USH2A: variants seen among roughly 807,000 people sequenced by gnomAD.
USH2A encodes the protein Usher syndrome 2A (autosomal recessive, mild).
A neutral mutation model predicts 538.9 loss-of-function variants in USH2A; 443 were observed. The ratio of observed to expected loss-of-function variants is 0.82; its 90% confidence interval spans 0.76 to 0.89. USH2A has a LOEUF of 0.89. Ranked by LOEUF, USH2A falls within the 40% of genes least tolerant of loss-of-function variation. The pLI is 0.00. For synonymous variants in USH2A, 2,413 were observed against 2,273.5 expected, an observed-to-expected ratio of 1.06 and a Z score of -1.75; for missense variants, 6,633 against 6,324.8, an observed-to-expected ratio of 1.05 and a Z score of -1.65.
At chr1:215,691,054 A>C (rs1033094597) in intron 61 of USH2A, among the ~76,000 whole-genome samples, 2 of 151,904 alleles carry the variant, frequency 1.3e-5, no homozygotes, top group Non-Finnish European at 2.9e-5. Context: ...AGGCTAATTT[A>C]TGTATTTTTA....
At chr1:215,963,367 G>A (rs544213116) in intron 37 of USH2A, among the ~76,000 whole-genome samples, 12 of 152,118 alleles carry the variant, frequency 7.9e-5, no homozygotes, top group Middle Eastern at 3.4e-3. Flanking sequence ...CCAATGACAC[G>A]AATTTTCCTG....
chr1:216,102,724 C>G (rs1438355200), intron 21 of USH2A, among the ~76,000 whole-genome samples: 1 of 152,098 alleles, frequency 6.6e-6, no homozygotes, highest in Non-Finnish European at 1.5e-5. Flanking sequence ...GGTGTGAACC[C>G]GAAAGGCGGA....
At chr1:215,961,458 C>A (rs944847712) in intron 37 of USH2A, among the ~76,000 whole-genome samples, 11 of 151,434 alleles carry the variant, frequency 7.3e-5, no homozygotes, top group African/African-American at 1.9e-4. Flanking sequence ...ATTAATTCTA[C>A]CTAAGTCACC....
chr1:215,694,391 G>T (rs1032842078), intron 61 of USH2A, among the ~76,000 whole-genome samples: 3 of 152,134 alleles, frequency 2.0e-5, no homozygotes, highest in African/African-American at 7.2e-5. Context: ...GGCTAACACT[G>T]TGAAACCCCG....
chr1:216,162,229 A>G (rs1158657998), intron 21 of USH2A, among the ~76,000 whole-genome samples: 8 of 151,934 alleles, frequency 5.3e-5, no homozygotes, highest in Admixed American at 5.3e-4. Context: ...TTGGACAATT[A>G]CAATTGACCG....
At chr1:216,342,080 T>C (rs564254628) in intron 4 of USH2A, among the ~76,000 whole-genome samples, 1 of 151,850 alleles carries the variant, frequency 6.6e-6, no homozygotes, top group South Asian at 2.1e-4. Context: ...TGGGAGAAAA[T>C]TTTCGCAACC....
intron 61 of USH2A, among the ~76,000 whole-genome samples, chr1:215,706,827 G>C (rs1466890014): frequency 6.6e-6 from 1 of 152,108 alleles, no homozygotes; most frequent in East Asian, 1.9e-4. Context: ...ATTGACTCAA[G>C]CTTATTAACT....
chr1:216,361,909 T>C (rs1217482406), intron 4 of USH2A, among the ~76,000 whole-genome samples: 19 of 152,196 alleles, frequency 1.2e-4, no homozygotes, highest in Admixed American at 5.9e-4. Context: ...ATTTGTATGA[T>C]AGTTTGAGAA....
At chr1:215,986,210 C>T (rs1019839376) in intron 35 of USH2A, among the ~76,000 whole-genome samples, 3 of 152,166 alleles carry the variant, frequency 2.0e-5, no homozygotes, top group Non-Finnish European at 4.4e-5. Flanking sequence ...AACCCTGCCT[C>T]CCACGTTCAA....
chr1:216,219,206 A>T (rs2035405090), intron 14 of USH2A, among the ~76,000 whole-genome samples: 2 of 152,076 alleles, frequency 1.3e-5, no homozygotes, highest in South Asian at 2.1e-4. Context: ...CAATGTTTTG[A>T]GCAATTAAAT....
intron 16 of USH2A, among the ~76,000 whole-genome samples, chr1:216,206,716 A>G (rs2035120455): frequency 1.3e-5 from 2 of 152,214 alleles, no homozygotes; most frequent in African/African-American, 4.8e-5. Context: ...CCTATAATTT[A>G]TTTAACAATG....
At chr1:216,246,249 C>T (rs927766662) in intron 13 of USH2A, among the ~76,000 whole-genome samples, 1 of 152,054 alleles carries the variant, frequency 6.6e-6, no homozygotes, top group African/African-American at 2.4e-5. Flanking sequence ...TCAAATTTTC[C>T]TTTCTCTGGA....
rs768134583 is a variant in USH2A, at chr1:215,674,900, C to T, written c.13011G>A (p.Thr4337=). ...STYSYALQAC[T]SGGCSTSKPT... is the part of the protein sequence containing the mutation. ...GTTTGCTGGTGGAGCATCCTCCACTCGTGCAGGCTTGGAGTGCATAGCTAT... is the reference window on the plus strand; with the variant it reads ...GTTTGCTGGTGGAGCATCCTCCACTTGTGCAGGCTTGGAGTGCATAGCTAT... The change falls in exon 63 of 72, where the codon ACG becomes ACA. Residue 4337 remains threonine (T), a synonymous_variant. Coordinates refer to ENST00000307340, the MANE Select transcript of USH2A (RefSeq NM_206933.4). The T allele has an allele frequency of 1.4e-5, 22 of 1,614,010 alleles. No individual in the cohort carries two copies. Among genetic ancestry groups the T allele is most frequent in the Middle Eastern group, 1.6e-4 (1 of 6,084 alleles).
At chr1:216,136,444 T>C (rs1465709423) in intron 21 of USH2A, among the ~76,000 whole-genome samples, 6 of 152,148 alleles carry the variant, frequency 3.9e-5, no homozygotes, top group East Asian at 3.8e-4. Flanking sequence ...TTATATTAAA[T>C]AGATTAAATG....
rs749079812 is a variant in USH2A, at chr1:215,640,719, GCTCGGTA to G, written c.14800_14806del (p.Tyr4934ProfsTer14). 6.2e-7 allele frequency: 1 copy of G among 1,613,580 alleles called. No individual in the cohort carries two copies. Among genetic ancestry groups the G allele is most frequent in the Non-Finnish European group, 8.5e-7 (1 of 1,179,924 alleles). ...CAAATTGCTGTCCACCGAAAATGGG[GCTCGGTA>G]CTGAGGCACTGTGGGGAGAAAGTTG... is the stretch of plus-strand genomic sequence containing the variant. On this transcript the variant is annotated frameshift_variant, in exon 68 of 72. Transcript: ENST00000307340. LOFTEE classifies it high-confidence loss of function.
chr1:215,645,938 A>C (rs1303318908), intron 67 of USH2A, among the ~76,000 whole-genome samples: 4 of 152,146 alleles, frequency 2.6e-5, no homozygotes, highest in Non-Finnish European at 5.9e-5. Flanking sequence ...AAAAAACAAA[A>C]TGTCCCAATT....
intron 44 of USH2A, among the ~76,000 whole-genome samples, chr1:215,862,570 A>T (rs997406096): frequency 6.6e-5 from 10 of 152,090 alleles, no homozygotes; most frequent in South Asian, 6.2e-4. Context: ...TAATAATAAT[A>T]AAAAAAATGC....
At chr1:216,083,850 G>A (rs1040068591) in intron 25 of USH2A, among the ~76,000 whole-genome samples, 1 of 152,124 alleles carries the variant, frequency 6.6e-6, no homozygotes, top group Non-Finnish European at 1.5e-5. Flanking sequence ...TATCATGTAA[G>A]ATTATTACTG....
intron 44 of USH2A, among the ~76,000 whole-genome samples, chr1:215,856,838 T>TGTGC (rs966238567): frequency 4.6e-5 from 4 of 86,672 alleles, no homozygotes; most frequent in Admixed American, 3.9e-4. Context: ...ATTTGGTGTG[T>TGTGC]GTGTGTGTGT....
Sources: allele counts gnomAD v4.1 joint callset (sites outside exome capture counted in the v4.1 genomes callset), GRCh38; gene constraint gnomAD v4.1.1; transcripts MANE v1.5; gene names NCBI Gene and HGNC (gene_info 2026-07-23, HGNC 2026-07-21).